Variants in SCML2 observed in about 807,000 individuals in gnomAD.
SCML2 encodes Scm polycomb group protein like 2, also known as sex comb on midleg-like protein 2.
In SCML2, 6 loss-of-function variants were observed where a neutral mutation model predicts 48.4. The ratio of observed to expected loss-of-function variants is 0.12; its 90% confidence interval spans 0.07 to 0.24. The LOEUF (loss-of-function observed/expected upper bound fraction) is 0.24, where lower values mean the gene tolerates loss of function less well. Ranked by LOEUF, SCML2 falls within the 10% of genes least tolerant of loss-of-function variation. SCML2 has a pLI of 1.00. For synonymous variants in SCML2, 181 were observed against 189.5 expected (o/e 0.95, Z 0.37); for missense variants, 377 against 528.2 (o/e 0.71, Z 2.81).
intron 11 of SCML2, among the ~76,000 whole-genome samples, chrX:18,249,634 A>G (rs930959594): frequency 1.8e-5 from 2 of 111,763 alleles, no homozygotes; most frequent in Non-Finnish European, 3.8e-5. Context: ...CTTAAAAGGA[A>G]AAACTGGGTA....
At chrX:18,339,012 T>C (rs1176471908) in intron 1 of SCML2, among the ~76,000 whole-genome samples, 3 of 109,967 alleles carry the variant, frequency 2.7e-5, no homozygotes, top group Non-Finnish European at 3.8e-5. Flanking sequence ...GACTGTTCCT[T>C]ATCCCATTCC....
chrX:18,264,014 T>C (rs1290320150), intron 8 of SCML2, among the ~76,000 whole-genome samples: 4 of 106,134 alleles, frequency 3.8e-5, no homozygotes, highest in South Asian at 4.2e-4. Context: ...TCAGCTTAGA[T>C]AGATGTCTTT....
At chrX:18,282,879 G>A (rs990593094) in intron 7 of SCML2, among the ~76,000 whole-genome samples, 1 of 110,980 alleles carries the variant, frequency 9.0e-6, no homozygotes, top group Non-Finnish European at 1.9e-5. Context: ...AAGAAGAGCT[G>A]GTACCAATCC....
intron 6 of SCML2, among the ~76,000 whole-genome samples, chrX:18,313,567 G>A (rs761130829): frequency 9.0e-6 from 1 of 111,354 alleles, no homozygotes; most frequent in Admixed American, 9.6e-5. Flanking sequence ...CACTGCTGCA[G>A]CAAAGTCCCT....
Position 18,337,355 on chromosome X carries a change from C to CAA in SCML2, c.-24-3262_-24-3261dup, listed in dbSNP as rs747064959. ...AAAACAACCAATTGTATGTTGGCTA[C>CAA]AAAAAAAAAAAAAAAAACTTTAAAT... On this transcript the variant is annotated intron_variant, in intron 1 of 14. Transcript: ENST00000251900. 7.4e-3 allele frequency among the ~76,000 whole-genome samples: 206 copies of CAA among 27,755 alleles called. 2 individuals are homozygous for CAA. The highest frequency in any genetic ancestry group is 0.027 in the African/African-American group (189 of 7,030). The allele number at this position is 27,755 out of a possible 115,157, so 24.1% of individuals were successfully genotyped here. A position where few individuals can be genotyped will look rare whatever the true frequency, so the allele number is the denominator to read the frequency against.
intron 3 of SCML2, among the ~76,000 whole-genome samples, chrX:18,329,339 C>T (rs1929582025): frequency 9.0e-6 from 1 of 110,940 alleles, no homozygotes; most frequent in Admixed American, 9.7e-5. Context: ...GCACTGAGGG[C>T]CCAGCTACAG....
chrX:18,318,593 T>G (rs1929206507), intron 6 of SCML2, among the ~76,000 whole-genome samples: 1 of 112,509 alleles, frequency 8.9e-6, no homozygotes, highest in African/African-American at 3.2e-5. Flanking sequence ...ATGACTGCTT[T>G]TAACATTACT....
intron 2 of SCML2, among the ~76,000 whole-genome samples, chrX:18,331,854 A>C (rs1278540142): frequency 9.0e-6 from 1 of 111,472 alleles, no homozygotes; most frequent in Non-Finnish European, 1.9e-5. Context: ...CTACCTCCCC[A>C]CAGAGTTCGG....
Position 18,241,326 on chromosome X carries a change from A to G in SCML2, c.2028T>C (p.Tyr676=). ...FLLKSDVMMK[Y]MGLKLGPALK... Reference sequence around the variant, plus strand: ...ATGCTGGCCCCAGCTTCAGCCCCATATACTTCATCATCACATCACTCTTGA... The same window carrying G: ...ATGCTGGCCCCAGCTTCAGCCCCATGTACTTCATCATCACATCACTCTTGA... Residue 676 remains tyrosine (Y), a synonymous_variant, in exon 15 of 15, where the codon TAT becomes TAC. Transcript: ENST00000251900. 1.7e-6 allele frequency: 2 copies of G among 1,197,301 alleles called. No homozygotes were observed. The highest frequency in any genetic ancestry group is 2.3e-6 in the Non-Finnish European group (2 of 886,022).
At chrX:18,282,908 A>C (rs1440867274) in intron 7 of SCML2, among the ~76,000 whole-genome samples, 1 of 111,100 alleles carries the variant, frequency 9.0e-6, no homozygotes, top group Non-Finnish European at 1.9e-5. Context: ...CTATTCCAAA[A>C]ACCTGAGGGG....
chrX:18,333,973 A>G, intron 2 of SCML2, 77 bp downstream of exon 2: 1 of 952,558 alleles, frequency 1.0e-6, no homozygotes, highest in Non-Finnish European at 1.4e-6. Flanking sequence ...CTTTATTTCA[A>G]AAGTTCAGTA....
chrX:18,340,805 G>A lies in SCML2; in HGVS notation c.-24-6710C>T, dbSNP rs1268873241. Among the ~76,000 whole-genome samples, 7 of 94,312 alleles carry A rather than the reference G, an allele frequency of 7.4e-5. No homozygotes were observed. The East Asian group carries it at 1.3e-3, about 18-fold the overall frequency. The allele number at this position is 94,312 out of a possible 115,157, so 81.9% of individuals were successfully genotyped here. A position where few individuals can be genotyped will look rare whatever the true frequency, so the allele number is the denominator to read the frequency against. The stretch of plus-strand genomic sequence containing the variant: ...AGCCTGGGTGACAGAGCAAGACTCC[G>A]TCTCAAAAAAAAAAAAAAAAATTAA... On this transcript the variant is annotated intron_variant, in intron 1 of 14. Coordinates refer to ENST00000251900, the MANE Select transcript of SCML2 (RefSeq NM_006089.3).
chrX:18,277,992 C>G (rs1046575930), intron 7 of SCML2, among the ~76,000 whole-genome samples: 1 of 110,728 alleles, frequency 9.0e-6, no homozygotes, highest in African/African-American at 3.3e-5. Flanking sequence ...CATGGTAAAA[C>G]CCCATCTCTA....
At chrX:18,294,973 G>T (rs1308956711) in intron 7 of SCML2, among the ~76,000 whole-genome samples, 1 of 111,026 alleles carries the variant, frequency 9.0e-6, no homozygotes, top group Non-Finnish European at 1.9e-5. Flanking sequence ...GCCTAAGTGT[G>T]CACCACTAGC....
intron 7 of SCML2, among the ~76,000 whole-genome samples, chrX:18,283,895 A>T (rs1179002659): frequency 8.9e-6 from 1 of 112,472 alleles, no homozygotes; most frequent in Non-Finnish European, 1.9e-5. Context: ...TATTGCTAAC[A>T]AACTATTAGT....
intron 7 of SCML2, among the ~76,000 whole-genome samples, chrX:18,286,219 C>T (rs1342120816): frequency 9.0e-6 from 1 of 111,433 alleles, no homozygotes; most frequent in East Asian, 2.8e-4. Context: ...AACAACTTAG[C>T]CACTTCTTTG....
intron 7 of SCML2, among the ~76,000 whole-genome samples, chrX:18,277,978 G>A (rs980006493): frequency 9.1e-6 from 1 of 110,421 alleles, no homozygotes; most frequent in African/African-American, 3.3e-5. Context: ...ATCAGCCTGG[G>A]CAACATGGTA....
chrX:18,279,538 A>G (rs767074609), intron 7 of SCML2, among the ~76,000 whole-genome samples: 3 of 112,571 alleles, frequency 2.7e-5, no homozygotes, highest in African/African-American at 9.7e-5. Flanking sequence ...CTGAAATGAC[A>G]GACACAGAAT....
chrX:18,246,247 G>A (rs1926441036), intron 13 of SCML2, among the ~76,000 whole-genome samples: 1 of 112,233 alleles, frequency 8.9e-6, no homozygotes, highest in Non-Finnish European at 1.9e-5. Context: ...AAAGGAGAGG[G>A]ACTGTCTTTC....
Sources: allele counts gnomAD v4.1 joint callset (sites outside exome capture counted in the v4.1 genomes callset), GRCh38; gene constraint gnomAD v4.1.1; transcripts MANE v1.5; gene names NCBI Gene and HGNC (gene_info 2026-07-23, HGNC 2026-07-21).